The following ETS1 variants were observed in gnomAD, a reference collection of about 807,000 sequenced individuals.
The protein encoded by ETS1 is protein C-ets-1.
ETS1 carries 15 observed loss-of-function variants against 58.6 expected under a neutral mutation model. The observed-to-expected ratio is 0.26, with a 90% CI of 0.17 to 0.39. The LOEUF (loss-of-function observed/expected upper bound fraction) is 0.39. ETS1 is among the 10% of genes least tolerant of loss of function. ETS1 has a pLI of 1.00. For missense variants in ETS1, 417 were observed against 610.5 expected, an observed-to-expected ratio of 0.68 and a Z score of 3.34; for synonymous variants, 214 against 218.2, an observed-to-expected ratio of 0.98 and a Z score of 0.17.
At chr11:128,467,795 T>C (rs1451717763) in intron 8 of ETS1, among the ~76,000 whole-genome samples, 3 of 152,114 alleles carry the variant, frequency 2.0e-5, no homozygotes, top group Non-Finnish European at 4.4e-5. Flanking sequence ...TGGGAAAGTA[T>C]GCTTCTCAAG....
At chr11:128,481,775 G>A (rs1206201371) in intron 7 of ETS1, among the ~76,000 whole-genome samples, 1 of 152,180 alleles carries the variant, frequency 6.6e-6, no homozygotes, top group Non-Finnish European at 1.5e-5. Context: ...CATCAAACAT[G>A]AACAGATGCC....
chr11:128,464,847 A>G lies in ETS1; in HGVS notation c.1124-1220T>C, dbSNP rs1861991406. Among the ~76,000 whole-genome samples, 2 of 152,352 alleles carry G rather than the reference A, an allele frequency of 1.3e-5. No individual in the cohort carries two copies. Among genetic ancestry groups the G allele is most frequent in the African/African-American group, 4.8e-5 (2 of 41,584 alleles). ...GTCTTGTTGTATCTCATATTTCTACAAGACATTTTCACATGCATCGTTGTG... is the reference window on the plus strand; with the variant it reads ...GTCTTGTTGTATCTCATATTTCTACGAGACATTTTCACATGCATCGTTGTG... On this transcript the variant is annotated intron_variant, in intron 8 of 9. Transcript: ENST00000392668. The surrounding 1 kb of genome is among the most constrained non-coding windows in gnomAD (Gnocchi z 4.1).
intron 8 of ETS1, among the ~76,000 whole-genome samples, chr11:128,475,803 T>G (rs7109882): frequency 0.53 from 80,662 of 151,640 alleles, 21,854 homozygotes; most frequent in African/African-American, 0.6. Flanking sequence ...TGCCTGCCTC[T>G]GCCTCCCAAA....
At chr11:128,479,222 T>G (rs936597469) in intron 8 of ETS1, among the ~76,000 whole-genome samples, 10 of 152,154 alleles carry the variant, frequency 6.6e-5, no homozygotes, top group African/African-American at 2.4e-4. Context: ...GAAACACAGA[T>G]CTTGCTGTTT....
chr11:128,490,433 CTT>C, intron 4 of ETS1, 22 bp downstream of exon 4: 1 of 1,613,552 alleles, frequency 6.2e-7, no homozygotes, highest in South Asian at 1.1e-5. Context: ...CCCAACCACT[CTT>C]TTTCCAACTA....
chr11:128,543,823 T>G (rs1864091600), intron 3 of ETS1, among the ~76,000 whole-genome samples: 1 of 152,204 alleles, frequency 6.6e-6, no homozygotes, highest in South Asian at 2.1e-4. Flanking sequence ...GAGAGGTAAT[T>G]TATAAACTCT....
rs1237489399 is a variant in ETS1 at position 128,475,551 on chromosome 11, CA to C, written c.1123+4639del. On this transcript the variant is annotated intron_variant, in intron 8 of 9. Coordinates refer to ENST00000392668, the MANE Select transcript of ETS1 (RefSeq NM_001143820.2). ...TTGAGAGGACCTAGAGGAGAATGCA[CA>C]GGGCTTTTTTTTTTTTTTTTTTTGA... is the stretch of plus-strand genomic sequence containing the variant. 2.4e-5 allele frequency among the ~76,000 whole-genome samples: 3 copies of C among 126,384 alleles called. No homozygotes were observed. The East Asian group carries it at 7.6e-4, about 32-fold the overall frequency. 82.9% of individuals were successfully genotyped at this position (126,384 alleles called of 152,430 possible).
intron 3 of ETS1, among the ~76,000 whole-genome samples, chr11:128,537,331 A>T (rs948489247): frequency 6.6e-6 from 1 of 152,120 alleles, no homozygotes; most frequent in Non-Finnish European, 1.5e-5. Context: ...GAGGGAGGGA[A>T]AGCATGGCAT....
chr11:128,519,421 C>A (rs1027759577), intron 3 of ETS1, among the ~76,000 whole-genome samples: 1 of 152,192 alleles, frequency 6.6e-6, no homozygotes, highest in South Asian at 2.1e-4. Context: ...TAGCTGTCTC[C>A]ACACATAAGA....
chr11:128,494,760 G>C (rs967355867), intron 3 of ETS1, among the ~76,000 whole-genome samples: 2 of 152,132 alleles, frequency 1.3e-5, no homozygotes, highest in Non-Finnish European at 2.9e-5. Context: ...AAGACATCTG[G>C]CCTTACTGAC....
intron 3 of ETS1, among the ~76,000 whole-genome samples, chr11:128,494,819 C>T (rs574265609): frequency 2.0e-5 from 3 of 152,240 alleles, no homozygotes; most frequent in Non-Finnish European, 4.4e-5. Context: ...CATGTGAAGA[C>T]TGGAGCGTCT....
intron 5 of ETS1, among the ~76,000 whole-genome samples, chr11:128,488,128 C>A (rs2135456721): frequency 6.6e-6 from 1 of 152,288 alleles, no homozygotes; most frequent in Admixed American, 6.5e-5. Flanking sequence ...CTGTTAGGAG[C>A]CTGCCGTATC....
chr11:128,480,531 T>C (rs1170329905), intron 7 of ETS1, 80 bp from the exon 8 acceptor site: 1 of 951,852 alleles, frequency 1.1e-6, no homozygotes, highest in Admixed American at 2.1e-5. Flanking sequence ...AACCCTCTTA[T>C]GGAGGACAGA....
At chr11:128,578,585 C>T (rs578062415) in intron 1 of ETS1, among the ~76,000 whole-genome samples, 2 of 152,158 alleles carry the variant, frequency 1.3e-5, no homozygotes, top group Admixed American at 1.3e-4. Flanking sequence ...ATTAGAATCA[C>T]CTGAAACCTC....
chr11:128,479,642 C>A (rs183351998), intron 8 of ETS1, among the ~76,000 whole-genome samples: 1 of 152,052 alleles, frequency 6.6e-6, no homozygotes, highest in Non-Finnish European at 1.5e-5. Flanking sequence ...ATAATAAAGC[C>A]GAGTAAGAGA....
Position 128,587,547 on chromosome 11 carries a change from C to A in ETS1, c.-74G>T, listed in dbSNP as rs1391284042. On this transcript the variant is annotated 5_prime_UTR_variant, in exon 1 of 10. Coordinates refer to ENST00000392668, the MANE Select transcript of ETS1 (RefSeq NM_001143820.2). ...GTGAGCTTCCCTCAAAGTCTGTGGT[C>A]TCTTTCCAACTACCTGCGGGAATCC... is the stretch of plus-strand genomic sequence containing the variant. 1 of 152,392 alleles carries A rather than the reference C, an allele frequency of 6.6e-6. No homozygotes were observed. The highest frequency in any genetic ancestry group is 2.4e-5 in the African/African-American group (1 of 41,462). 9.4% of individuals were successfully genotyped at this position (152,392 alleles called of 1,614,324 possible).
chr11:128,552,677 G>A (rs1864250115), intron 3 of ETS1, among the ~76,000 whole-genome samples: 1 of 151,678 alleles, frequency 6.6e-6, no homozygotes, highest in Non-Finnish European at 1.5e-5. Context: ...CATCATAAGG[G>A]TGAAGTTGAA....
rs142199277 is a variant in ETS1 at position 128,537,492 on chromosome 11, G to A, written c.214+18799C>T. Among the ~76,000 whole-genome samples the A allele has an allele frequency of 6.6e-4, 100 of 152,232 alleles. 1 individual carries two copies. The East Asian group carries it at 0.015, about 23-fold the overall frequency. Reference sequence around the variant, plus strand: ...TATGAACTGGAGGAGGAATTAAATCGCAGTTGGGAATTAGGGGAAAGGAAA... The same window carrying A: ...TATGAACTGGAGGAGGAATTAAATCACAGTTGGGAATTAGGGGAAAGGAAA... On this transcript the variant is annotated intron_variant, in intron 3 of 9. Transcript: ENST00000392668.
rs140224584 is a variant in ETS1, at chr11:128,543,521, C to T, written c.214+12770G>A. 3.8e-3 allele frequency among the ~76,000 whole-genome samples: 577 copies of T among 152,252 alleles called. 4 individuals carry two copies. The highest frequency in any genetic ancestry group is 0.013 in the African/African-American group (549 of 41,530). ...CAGAAGTACATTTCAGACCTTCCCT[C>T]CTTAGCCCCAAAAATCTACTGGTTG... is the stretch of plus-strand genomic sequence containing the variant. On this transcript the variant is annotated intron_variant, in intron 3 of 9. Coordinates refer to ENST00000392668, the MANE Select transcript of ETS1 (RefSeq NM_001143820.2).
Sources: allele counts gnomAD v4.1 joint callset (sites outside exome capture counted in the v4.1 genomes callset), GRCh38; gene constraint gnomAD v4.1.1; non-coding constraint Gnocchi (gnomAD v3.1); transcripts MANE v1.5; gene names NCBI Gene and HGNC (gene_info 2026-07-23, HGNC 2026-07-21).